PTPRD: variants seen among roughly 807,000 people sequenced by gnomAD.
PTPRD encodes protein tyrosine phosphatase receptor type D, also known as receptor-type tyrosine-protein phosphatase delta.
Under a neutral mutation model 214.5 loss-of-function variants are expected in PTPRD, and 34 were observed. The observed-to-expected ratio is 0.16, with a 90% CI of 0.12 to 0.21. The LOEUF is 0.21. PTPRD is among the 10% of genes least tolerant of loss of function. PTPRD has a pLI of 1.00. For synonymous variants in PTPRD, 1,128 were observed against 845.7 expected (o/e 1.33, Z -5.79); for missense variants, 2,545 against 2,398.7 (o/e 1.06, Z -1.27).
intron 5 of PTPRD, among the ~76,000 whole-genome samples, chr9:9,841,206 G>A (rs1187380534): frequency 6.6e-6 from 1 of 152,116 alleles, no homozygotes; most frequent in Middle Eastern, 3.2e-3. Flanking sequence ...AGGAGTAGTG[G>A]TAGTGGGGTT....
chr9:8,802,590 G>A (rs542013726), intron 11 of PTPRD, among the ~76,000 whole-genome samples: 1 of 152,188 alleles, frequency 6.6e-6, no homozygotes, highest in African/African-American at 2.4e-5. Flanking sequence ...GTTCCCAAAA[G>A]TGGTAATATT....
chr9:8,577,752 A>G (rs992283071), intron 14 of PTPRD, among the ~76,000 whole-genome samples: 1 of 152,214 alleles, frequency 6.6e-6, no homozygotes, highest in Non-Finnish European at 1.5e-5. Context: ...ATGGTTCCAG[A>G]GCAGCAGCCT....
chr9:8,663,609 G>A (rs986382939), intron 12 of PTPRD, among the ~76,000 whole-genome samples: 6 of 152,104 alleles, frequency 3.9e-5, no homozygotes, highest in African/African-American at 1.4e-4. Flanking sequence ...TCCTGCCTCA[G>A]CCTCCCCAAG....
intron 14 of PTPRD, among the ~76,000 whole-genome samples, chr9:8,529,084 T>C (rs77217268): frequency 3.1e-4 from 47 of 152,048 alleles, no homozygotes; most frequent in African/African-American, 1.0e-3. Flanking sequence ...GATCAGTGAG[T>C]ACCCAGAGGA....
intron 10 of PTPRD, among the ~76,000 whole-genome samples, chr9:9,163,426 C>A (rs2099894413): frequency 6.6e-6 from 1 of 152,030 alleles, no homozygotes; most frequent in South Asian, 2.1e-4. Context: ...ACACCTCTCA[C>A]ATCTAGTAAA....
intron 2 of PTPRD, among the ~76,000 whole-genome samples, chr9:10,449,970 C>T (rs113219556): frequency 0.026 from 3,982 of 151,680 alleles, 229 homozygotes; most frequent in African/African-American, 0.092. Context: ...GAAACATGTG[C>T]TGTGTCCACT....
intron 7 of PTPRD, among the ~76,000 whole-genome samples, chr9:9,708,775 T>A (rs1328488872): frequency 6.6e-6 from 1 of 152,046 alleles, no homozygotes; most frequent in Non-Finnish European, 1.5e-5. Context: ...ATACCTGGAG[T>A]TTCAAAAATA....
At chr9:10,343,158 T>C (rs981512539) in intron 2 of PTPRD, among the ~76,000 whole-genome samples, 3 of 151,824 alleles carry the variant, frequency 2.0e-5, no homozygotes, top group African/African-American at 7.3e-5. Context: ...CCCTGTTGTG[T>C]GATGTTCCTC....
intron 5 of PTPRD, among the ~76,000 whole-genome samples, chr9:9,937,632 C>G (rs970390007): frequency 3.3e-5 from 5 of 151,984 alleles, no homozygotes; most frequent in African/African-American, 7.2e-5. Flanking sequence ...CATAAATAGA[C>G]CAAATACTTA....
intron 9 of PTPRD, among the ~76,000 whole-genome samples, chr9:9,228,673 G>C (rs1189810756): frequency 6.6e-6 from 1 of 152,022 alleles, no homozygotes; most frequent in Non-Finnish European, 1.5e-5. Context: ...TTTGTAAAAT[G>C]AATGAAATCT....
intron 7 of PTPRD, among the ~76,000 whole-genome samples, chr9:9,614,433 A>T (rs2094725988): frequency 6.6e-6 from 1 of 152,198 alleles, no homozygotes. Flanking sequence ...CTCTCACAAT[A>T]TATCAATGCA....
intron 8 of PTPRD, among the ~76,000 whole-genome samples, chr9:9,480,924 T>A (rs2095383041): frequency 6.6e-6 from 1 of 152,184 alleles, no homozygotes; most frequent in Non-Finnish European, 1.5e-5. Flanking sequence ...GCTTCCTTCA[T>A]ATGCCACATG....
At chr9:10,218,306 C>T (rs898961256) in intron 3 of PTPRD, among the ~76,000 whole-genome samples, 2 of 151,928 alleles carry the variant, frequency 1.3e-5, no homozygotes, top group Non-Finnish European at 2.9e-5. Context: ...GTATCTATCT[C>T]ACCTGTACCT....
intron 10 of PTPRD, among the ~76,000 whole-genome samples, chr9:9,174,645 T>A (rs1323295572): frequency 6.6e-6 from 1 of 152,174 alleles, no homozygotes; most frequent in Non-Finnish European, 1.5e-5. Context: ...CAACAAAGGA[T>A]ATTACATAAG....
chr9:8,723,073 G>C (rs1026886629), intron 12 of PTPRD, among the ~76,000 whole-genome samples: 1 of 152,060 alleles, frequency 6.6e-6, no homozygotes, highest in African/African-American at 2.4e-5. Flanking sequence ...TAATATATGT[G>C]TTTCCCTACA....
Position 10,035,269 on chromosome 9 carries a change from C to T in PTPRD, c.-544-1479G>A, listed in dbSNP as rs2097158500. ...TCTTCTTTTGAGAAGTGCCCTTTGC[C>T]CACTTTTTAATGGGGTATTTTTTTT... is the stretch of plus-strand genomic sequence containing the variant. On this transcript the variant is annotated intron_variant, in intron 3 of 45. Transcript: ENST00000381196. Among the ~76,000 whole-genome samples, 4 of 151,618 alleles carry T rather than the reference C, an allele frequency of 2.6e-5. No individual in the cohort carries two copies. In the South Asian group the frequency reaches 6.2e-4, roughly 24 times the overall value.
rs10977240 is a variant in PTPRD at position 8,648,635 on chromosome 9, T to C, written c.65-11791A>G. 1.2e-3 allele frequency among the ~76,000 whole-genome samples: 177 copies of C among 152,340 alleles called. 5 individuals carry two copies. The East Asian group carries it at 0.025, about 22-fold the overall frequency. On this transcript the variant is annotated intron_variant, in intron 12 of 45. Transcript: ENST00000381196. ...CAGACTGTGCATCCGTTTTGTTCAA[T>C]AGAGTGATAAAAGGCCCTTATACTG...
At chr9:10,474,889 GTAAA>G (rs1379552719) in intron 2 of PTPRD, among the ~76,000 whole-genome samples, 1 of 151,996 alleles carries the variant, frequency 6.6e-6, no homozygotes, top group East Asian at 1.9e-4. Flanking sequence ...TGACTACTCG[GTAAA>G]TAAATAAATT....
intron 3 of PTPRD, among the ~76,000 whole-genome samples, chr9:10,278,155 C>CA (rs752887858): frequency 6.9e-6 from 1 of 144,612 alleles, no homozygotes; most frequent in African/African-American, 2.6e-5. Context: ...GACTCTGTCT[C>CA]AAAAAACAAA....
Sources: allele counts gnomAD v4.1 joint callset (sites outside exome capture counted in the v4.1 genomes callset), GRCh38; gene constraint gnomAD v4.1.1; transcripts MANE v1.5; gene names NCBI Gene and HGNC (gene_info 2026-07-23, HGNC 2026-07-21).